Variants in ARHGEF11 observed in about 807,000 individuals in gnomAD.
ARHGEF11 encodes the protein Rho guanine nucleotide exchange factor 11.
In ARHGEF11, 55 loss-of-function variants were observed where a neutral mutation model predicts 193.7. That is an observed-to-expected ratio of 0.28 (90% CI 0.23 to 0.36). The LOEUF is 0.36. ARHGEF11 is among the 10% of genes least tolerant of loss of function. The pLI is 1.00. For missense variants in ARHGEF11, 1,723 were observed against 2,005.6 expected (o/e 0.86, Z 2.69); for synonymous variants, 693 against 768.0 (o/e 0.90, Z 1.62).
At chr1:156,971,216 G>A (rs1662441147) in intron 8 of ARHGEF11, among the ~76,000 whole-genome samples, 1 of 152,208 alleles carries the variant, frequency 6.6e-6, no homozygotes, top group South Asian at 2.1e-4. Flanking sequence ...GTTATCTGCT[G>A]ATACAGATCC....
At chr1:156,941,720 C>T in intron 34 of ARHGEF11, 144 bp downstream of exon 34, 1 of 1,261,750 alleles carries the variant, frequency 7.9e-7, no homozygotes, top group East Asian at 2.3e-5. Flanking sequence ...GTTCCTCCAT[C>T]TGCCAGCACT....
At chr1:156,954,735 A>G (rs779353950) in intron 21 of ARHGEF11, among the ~76,000 whole-genome samples, 157 bp downstream of exon 21, 11 of 152,276 alleles carry the variant, frequency 7.2e-5, no homozygotes, top group Non-Finnish European at 1.3e-4. Flanking sequence ...AGCTTTAGCA[A>G]CAATGAGCAA....
Position 156,998,172 on chromosome 1 carries a change from G to A in ARHGEF11, c.33-11999C>T, listed in dbSNP as rs145352826. On this transcript the variant is annotated intron_variant, in intron 1 of 40. Transcript: ENST00000368194. ...AGAGGCACAACTGTCTCCCAGAAAC[G>A]AAGCAGAGCCCGGCTCTGAGGGCAC... Among the ~76,000 whole-genome samples, 357 of 152,246 alleles carry A rather than the reference G, an allele frequency of 2.3e-3. 3 individuals carry two copies. The highest frequency in any genetic ancestry group is 7.8e-3 in the African/African-American group (323 of 41,540).
chr1:157,045,063 A>G lies in ARHGEF11; in HGVS notation c.-733T>C, dbSNP rs1673180124. On this transcript the variant is annotated 5_prime_UTR_variant, in exon 1 of 41. Transcript: ENST00000368194. ...ACATTAAATGTTTTGAAATTCTTAAATGAGCCAATTGCACCAAAAAAAAAA... is the reference window on the plus strand; with the variant it reads ...ACATTAAATGTTTTGAAATTCTTAAGTGAGCCAATTGCACCAAAAAAAAAA... 1 of 151,672 alleles carries G rather than the reference A, an allele frequency of 6.6e-6. No homozygotes were observed. Among genetic ancestry groups the G allele is most frequent in the Non-Finnish European group, 1.5e-5 (1 of 68,024 alleles). 9.4% of individuals were successfully genotyped at this position (151,672 alleles called of 1,614,324 possible).
At chr1:156,959,940 C>T (rs1188463700) in intron 15 of ARHGEF11, among the ~76,000 whole-genome samples, 65 of 112,722 alleles carry the variant, frequency 5.8e-4, no homozygotes, top group African/African-American at 1.8e-3. Flanking sequence ...CCTCCCCCCC[C>T]CCCAAAAAAA....
intron 1 of ARHGEF11, among the ~76,000 whole-genome samples, chr1:157,003,430 G>A (rs372243822): frequency 6.6e-5 from 10 of 152,206 alleles, no homozygotes; most frequent in African/African-American, 1.9e-4. Flanking sequence ...CCACTTATTC[G>A]AATTCCCCTC....
intron 20 of ARHGEF11, 111 bp from the exon 21 acceptor site, chr1:156,955,032 A>AT (rs1485372712): frequency 2.3e-6 from 2 of 857,686 alleles, no homozygotes; most frequent in Non-Finnish European, 3.7e-6. Flanking sequence ...AGTGGCGAAA[A>AT]TCAAGGCTGA....
chr1:156,936,832 C>G lies in ARHGEF11; in HGVS notation c.4614G>C (p.Gly1538=), dbSNP rs147993798. 6.2e-7 allele frequency: 1 copy of G among 1,613,766 alleles called. No individual in the cohort carries two copies. Among genetic ancestry groups the G allele is most frequent in the Non-Finnish European group, 8.5e-7 (1 of 1,179,874 alleles). The part of the protein sequence containing the change: ...ASDSRNSHEL[G]PCPEDGSDAP... Reference sequence around the variant, plus strand: ...TTCACTCACCATCCTCAGGGCAGGGCCCCAGTTCATGGCTGTTCCTGGAGT... The same window carrying G: ...TTCACTCACCATCCTCAGGGCAGGGGCCCAGTTCATGGCTGTTCCTGGAGT... Residue 1538 remains glycine, a synonymous_variant, in exon 40 of 41, where the codon GGG becomes GGC. Coordinates refer to ENST00000368194, the MANE Select transcript of ARHGEF11 (RefSeq NM_198236.3).
intron 25 of ARHGEF11, 133 bp downstream of exon 25, chr1:156,947,635 AG>A: frequency 7.4e-7 from 1 of 1,344,870 alleles, no homozygotes; most frequent in Non-Finnish European, 1.0e-6. Flanking sequence ...TTATAGCAAC[AG>A]GCAATGTGGA....
chr1:156,965,475 G>A (rs1444671410), intron 11 of ARHGEF11, among the ~76,000 whole-genome samples: 3 of 152,154 alleles, frequency 2.0e-5, no homozygotes, highest in Admixed American at 2.0e-4. Flanking sequence ...GATTCTAATG[G>A]CCAACTTTTT....
chr1:156,944,111 G>T lies in ARHGEF11; in HGVS notation c.3068-9C>A. 6.2e-7 allele frequency: 1 copy of T among 1,612,418 alleles called. No individual in the cohort carries two copies. Among genetic ancestry groups the T allele is most frequent in the South Asian group, 1.1e-5 (1 of 90,848 alleles). ...CAGCAGCACGTGGAGGTCTGGAGGGGTATGGTCATGGGAAGGTGTTCCCTG... is the reference window on the plus strand; with the variant it reads ...CAGCAGCACGTGGAGGTCTGGAGGGTTATGGTCATGGGAAGGTGTTCCCTG... On this transcript the variant is annotated splice_polypyrimidine_tract_variant and intron_variant, in intron 31 of 40. Transcript: ENST00000368194.
intron 20 of ARHGEF11, among the ~76,000 whole-genome samples, chr1:156,955,442 G>A (rs990783877): frequency 6.6e-6 from 1 of 152,202 alleles, no homozygotes; most frequent in Non-Finnish European, 1.5e-5. Flanking sequence ...TGTTTCTCAC[G>A]TGGTCGTTTG....
At chr1:156,956,701 AT>A (rs1660011627) in intron 18 of ARHGEF11, 137 bp from the exon 19 acceptor site, 3 of 1,322,588 alleles carry the variant, frequency 2.3e-6, no homozygotes, top group Non-Finnish European at 2.0e-6. Flanking sequence ...GTCTAGAATA[AT>A]TAAATGGGAC....
chr1:157,015,892 T>C (rs538089885), intron 1 of ARHGEF11, among the ~76,000 whole-genome samples: 2 of 152,342 alleles, frequency 1.3e-5, no homozygotes, highest in South Asian at 2.1e-4. Context: ...TTTGCTATTA[T>C]GGTCCCTGCC....
rs1657933524 is a variant in ARHGEF11, at chr1:156,945,411, A to C, written c.2813-214T>G. On this transcript the variant is annotated intron_variant, in intron 29 of 40. Transcript: ENST00000368194. ...AGGTCTCAGACAGATCACTGCTTTG[A>C]AGACGCTGATAGCTCCTGGGAATCC... The C allele has an allele frequency of 7.1e-6, 4 of 565,750 alleles. No individual in the cohort carries two copies. The East Asian group carries it at 1.2e-4, about 17-fold the overall frequency. The allele number at this position is 565,750 out of a possible 1,614,324, so 35.0% of individuals were successfully genotyped here.
At chr1:157,019,422 G>A (rs930953253) in intron 1 of ARHGEF11, among the ~76,000 whole-genome samples, 1 of 152,206 alleles carries the variant, frequency 6.6e-6, no homozygotes, top group Non-Finnish European at 1.5e-5. Flanking sequence ...ACTGGGAATA[G>A]GATACACTGC....
chr1:156,940,186 G>A, intron 36 of ARHGEF11, 21 bp downstream of exon 36: 1 of 1,549,244 alleles, frequency 6.5e-7, no homozygotes, highest in Non-Finnish European at 8.7e-7. Flanking sequence ...GGGGCTGACG[G>A]CAGGGCCTTG....
At chr1:156,958,342 C>T (rs990288943) in intron 17 of ARHGEF11, among the ~76,000 whole-genome samples, 3 of 152,192 alleles carry the variant, frequency 2.0e-5, no homozygotes, top group Non-Finnish European at 4.4e-5. Flanking sequence ...GGTTCAATTT[C>T]CCCTAAGCCA....
chr1:156,971,667 C>A, intron 8 of ARHGEF11, 30 bp downstream of exon 8: 1 of 1,604,808 alleles, frequency 6.2e-7, no homozygotes, highest in Non-Finnish European at 8.5e-7. Flanking sequence ...CTGCATGTGC[C>A]CTTACTAGAG....
Sources: gnomAD v4.1 joint callset for allele counts (sites outside exome capture counted in the v4.1 genomes callset) on GRCh38, gnomAD v4.1.1 for gene constraint, MANE v1.5 for transcripts, NCBI Gene and HGNC (gene_info 2026-07-23, HGNC 2026-07-21) for gene names.